The following PRDM2 variants were observed in gnomAD, a reference collection of about 807,000 sequenced individuals.
The protein encoded by PRDM2 is PR/SET domain 2, also known as PR domain zinc finger protein 2.
In PRDM2, 30 loss-of-function variants were observed where a neutral mutation model predicts 130.0. The observed-to-expected ratio is 0.23, with a 90% CI of 0.17 to 0.31. PRDM2 has a LOEUF of 0.31. PRDM2 is among the 10% of genes least tolerant of loss of function. PRDM2 has a pLI of 1.00. For missense variants in PRDM2, 2,011 were observed against 2,108.4 expected (o/e 0.95, Z 0.90); for synonymous variants, 871 against 782.4 (o/e 1.11, Z -1.89).
intron 6 of PRDM2, among the ~76,000 whole-genome samples, chr1:13,756,665 T>TG (rs1176454001): frequency 2.0e-5 from 3 of 152,258 alleles, no homozygotes; most frequent in Non-Finnish European, 4.4e-5. Flanking sequence ...CAAGAGTTCT[T>TG]GGATGAATTC....
At position 13,781,953 on chromosome 1, in the gene PRDM2, A is replaced by G; in HGVS notation, c.4158A>G (p.Leu1386=). 6.2e-7 allele frequency: 1 copy of G among 1,614,234 alleles called. No individual in the cohort carries two copies. The highest frequency in any genetic ancestry group is 8.5e-7 in the Non-Finnish European group (1 of 1,180,038). The change falls in exon 8 of 10, where the codon TTA becomes TTG. Residue 1386 remains leucine, a synonymous_variant. Coordinates refer to ENST00000311066, the MANE Select transcript of PRDM2 (RefSeq NM_001393986.1). This position sits in a 1 kb window ranked among gnomAD's most constrained non-coding sequence, Gnocchi z 6.1. The part of the protein sequence containing the change: ...TVQPKNGVVV[L]DNSGKNAFRR... ...AACCCAAAAATGGCGTGGTGGTTTT[A>G]GATAACTCTGGGAAAAATGCCTTCC... is the stretch of plus-strand genomic sequence containing the variant.
intron 8 of PRDM2, 195 bp downstream of exon 8, chr1:13,783,026 C>A: frequency 1.5e-6 from 2 of 1,305,766 alleles, no homozygotes; most frequent in African/African-American, 1.5e-5. Flanking sequence ...TAATTTCAGA[C>A]TTAGGACTCA....
Position 13,732,708 on chromosome 1 carries a change from A to C in PRDM2, c.128-71A>C, listed in dbSNP as rs539243984. 15 of 1,111,634 alleles carry C rather than the reference A, an allele frequency of 1.3e-5. 1 individual carries two copies. The South Asian group carries it at 2.3e-4, about 17-fold the overall frequency. The allele number at this position is 1,111,634 out of a possible 1,614,324, so 68.9% of individuals were successfully genotyped here. On this transcript the variant is annotated intron_variant, in intron 3 of 9. Transcript: ENST00000311066. Reference sequence around the variant, plus strand: ...GCCTTTTAACTGTTTTGTGAAACTTAAGCGATTTTAATGGTTTCAATCTTT... The same window carrying C: ...GCCTTTTAACTGTTTTGTGAAACTTCAGCGATTTTAATGGTTTCAATCTTT...
intron 8 of PRDM2, among the ~76,000 whole-genome samples, chr1:13,796,381 G>T (rs59511459): frequency 0.022 from 3,280 of 152,286 alleles, 91 homozygotes; most frequent in East Asian, 0.076. Context: ...GGCCCTGAGA[G>T]ATCTCCCAAG....
intron 8 of PRDM2, among the ~76,000 whole-genome samples, chr1:13,815,702 A>G (rs1645245775): frequency 6.6e-6 from 1 of 152,176 alleles, no homozygotes; most frequent in African/African-American, 2.4e-5. Flanking sequence ...TCTTTTAAAT[A>G]AATTTTTTAA....
intron 9 of PRDM2, among the ~76,000 whole-genome samples, chr1:13,821,163 T>TTAA (rs113961715): frequency 1.3e-5 from 2 of 151,972 alleles, no homozygotes; most frequent in African/African-American, 4.8e-5. Flanking sequence ...GCGAAATGGG[T>TTAA]TAATAATAAT....
chr1:13,780,589 G>T lies in PRDM2; in HGVS notation c.2794G>T (p.Gly932Cys). 3 of 1,614,076 alleles carry T rather than the reference G, an allele frequency of 1.9e-6. No homozygotes were observed. Among genetic ancestry groups the T allele is most frequent in the Non-Finnish European group, 2.5e-6 (3 of 1,179,996 alleles). The change falls in exon 8 of 10, where the codon GGT becomes TGT. Residue 932 changes from glycine to cysteine, a missense_variant. Around this residue, in one of 5 missense-constraint regions of PRDM2, gnomAD observed 1,288 missense variants for 1,237.7 expected, o/e 1.04. Transcript: ENST00000311066. ...AGATCCTGACCTCGGTCCGGGCTCT[G>T]GTTTCCCTGCCCCTACTGTTGAGTC... ...QPDPDLGPGS[G>C]FPAPTVESTP...
At chr1:13,805,402 C>T (rs931525530) in intron 8 of PRDM2, among the ~76,000 whole-genome samples, 8 of 152,266 alleles carry the variant, frequency 5.3e-5, no homozygotes, top group Admixed American at 1.3e-4. Context: ...CAGCCCTTCC[C>T]CCAGGCTGGG....
chr1:13,770,652 A>G (rs1321849391), intron 6 of PRDM2, among the ~76,000 whole-genome samples: 1 of 152,190 alleles, frequency 6.6e-6, no homozygotes, highest in African/African-American at 2.4e-5. Context: ...ACACCTCTCC[A>G]TTTTAATTTA....
chr1:13,805,841 G>T (rs1044347278), intron 8 of PRDM2, among the ~76,000 whole-genome samples: 1 of 152,124 alleles, frequency 6.6e-6, no homozygotes, highest in African/African-American at 2.4e-5. Context: ...GGATGCCCAT[G>T]GCGGTCTGGC....
intron 8 of PRDM2, chr1:13,787,069 G>GT: frequency 2.0e-6 from 2 of 985,170 alleles, no homozygotes; most frequent in South Asian, 4.7e-5. Flanking sequence ...TGTTGTTTTC[G>GT]TTTTTTTAAA....
At chr1:13,777,621 G>T in intron 7 of PRDM2, among the ~76,000 whole-genome samples, 1 of 52,434 alleles carries the variant, frequency 1.9e-5, no homozygotes, top group Non-Finnish European at 4.0e-5. Context: ...CTATCCAGTA[G>T]GGCTCCTCCT....
At chr1:13,718,507 G>C (rs1311729029) in intron 2 of PRDM2, among the ~76,000 whole-genome samples, 1 of 152,184 alleles carries the variant, frequency 6.6e-6, no homozygotes, top group African/African-American at 2.4e-5. Flanking sequence ...GTATCAGTGT[G>C]TTCCAAGTCG....
intron 1 of PRDM2, among the ~76,000 whole-genome samples, chr1:13,707,134 C>T (rs1276648637): frequency 6.6e-6 from 1 of 152,096 alleles, no homozygotes; most frequent in Non-Finnish European, 1.5e-5. Flanking sequence ...GGAAGCCTCC[C>T]CACCATTTAT....
At position 13,820,332 on chromosome 1, in the gene PRDM2, G is replaced by A. The variant is rs1645328882; in HGVS notation, c.*24-2827G>A. Among the ~76,000 whole-genome samples, 4 of 152,330 alleles carry A rather than the reference G, an allele frequency of 2.6e-5. No individual in the cohort carries two copies. In the South Asian group the frequency reaches 8.3e-4, roughly 32 times the overall value. The stretch of plus-strand genomic sequence containing the variant: ...AGCGAGAATGAACACAGAGGTGCTT[G>A]GTTTCTGGCAAGCCCTGCCTTTCAC... On this transcript the variant is annotated intron_variant, in intron 9 of 9. Transcript: ENST00000311066.
At chr1:13,786,740 G>A (rs1379146266) in intron 8 of PRDM2, 7 of 1,403,126 alleles carry the variant, frequency 5.0e-6, no homozygotes, top group African/African-American at 2.9e-5. Flanking sequence ...CTGGGCGCCC[G>A]GGTGATTGAG....
At chr1:13,764,491 C>G (rs1020479498) in intron 6 of PRDM2, among the ~76,000 whole-genome samples, 1 of 152,210 alleles carries the variant, frequency 6.6e-6, no homozygotes, top group Non-Finnish European at 1.5e-5. Flanking sequence ...TTAATGCTTT[C>G]TTATCTTGAA....
In PRDM2 at chr1:13,779,806, A is replaced by T. The variant is rs765327486; in HGVS notation, c.2011A>T (p.Ile671Leu). 6.2e-7 allele frequency: 1 copy of T among 1,614,236 alleles called. No individual in the cohort carries two copies. Among genetic ancestry groups the T allele is most frequent in the Non-Finnish European group, 8.5e-7 (1 of 1,180,036 alleles). ...TTGCTCTTTAAGTCTTCCTCTTAGC[A>T]TATCAACAACAGAGGCAGTGTCTTT... The part of the protein sequence containing the change: ...PSCSLSLPLS[I>L]STTEAVSFHK... Residue 671 changes from isoleucine to leucine, a missense_variant, in exon 8 of 10, where the codon ATA (isoleucine) becomes TTA (leucine). Ile to Leu is a conservative substitution (Grantham distance 5). Coordinates refer to ENST00000311066, the MANE Select transcript of PRDM2 (RefSeq NM_001393986.1). The surrounding 1 kb of genome is among the most constrained non-coding windows in gnomAD (Gnocchi z 4.9).
chr1:13,735,379 G>A (rs1643236549), intron 4 of PRDM2, among the ~76,000 whole-genome samples: 1 of 152,164 alleles, frequency 6.6e-6, no homozygotes, highest in African/African-American at 2.4e-5. Context: ...TCGTTCTCTT[G>A]ACTCTCCCCA....
Sources: allele counts gnomAD v4.1 joint callset (sites outside exome capture counted in the v4.1 genomes callset), GRCh38; gene constraint gnomAD v4.1.1; regional missense constraint gnomAD v4.1.1; non-coding constraint Gnocchi (gnomAD v3.1); transcripts MANE v1.5; gene names NCBI Gene and HGNC (gene_info 2026-07-23, HGNC 2026-07-21).